The following TOM1L2 variants were observed in gnomAD, a reference collection of about 807,000 sequenced individuals.
TOM1L2 encodes TOM1-like protein 2.
In TOM1L2, 31 loss-of-function variants were observed where a neutral mutation model predicts 67.9. The ratio of observed to expected loss-of-function variants is 0.46; its 90% confidence interval spans 0.34 to 0.62. TOM1L2 has a LOEUF of 0.62. Among genes scored for constraint, TOM1L2 ranks in the 20% least tolerant of loss-of-function variants. The probability of loss-of-function intolerance (pLI) is 0.01; values close to 1 mark genes in which losing one functional copy is unlikely to be tolerated. For missense variants in TOM1L2, 606 were observed against 663.5 expected, an observed-to-expected ratio of 0.91 and a Z score of 0.95; for synonymous variants, 256 against 254.0, an observed-to-expected ratio of 1.01 and a Z score of -0.07.
intron 1 of TOM1L2, among the ~76,000 whole-genome samples, chr17:17,947,130 G>T (rs2040985474): frequency 1.3e-5 from 2 of 152,160 alleles, no homozygotes; most frequent in Admixed American, 6.5e-5. Flanking sequence ...TCTTCAGCAA[G>T]GAACAGGAAA....
chr17:17,961,616 G>A (rs548360700), intron 1 of TOM1L2, among the ~76,000 whole-genome samples: 17 of 151,884 alleles, frequency 1.1e-4, no homozygotes, highest in African/African-American at 4.1e-4. Context: ...GCTTACACCT[G>A]TAATCCCAGC....
rs116986961 is a variant in TOM1L2, at chr17:17,869,331, G to A, written c.911+9C>T. ...GGGAAAAAAAAAAAAAAAGAAATCC[G>A]GCTCCCACCTCTCGTATCGAAGGAA... is the stretch of plus-strand genomic sequence containing the variant. On this transcript the variant is annotated intron_variant, in intron 8 of 14. Transcript: ENST00000379504. 1.9e-3 allele frequency: 3,062 copies of A among 1,600,934 alleles called. 2 individuals carry two copies. Among genetic ancestry groups the A allele is most frequent in the Non-Finnish European group, 2.4e-3 (2,817 of 1,175,010 alleles).
rs546818930 is a variant in TOM1L2 at position 17,912,605 on chromosome 17, G to A, written c.53-5074C>T. On this transcript the variant is annotated intron_variant, in intron 1 of 14. Coordinates refer to ENST00000379504, the MANE Select transcript of TOM1L2 (RefSeq NM_001082968.2). ...AGACGATGGGCGGCCGGGCAGAGAC[G>A]CTCTTCACTTCCTAGATGGGATGGC... 2.6e-4 allele frequency among the ~76,000 whole-genome samples: 39 copies of A among 151,416 alleles called. No individual in the cohort carries two copies. The South Asian group carries it at 5.9e-3, about 23-fold the overall frequency.
intron 1 of TOM1L2, among the ~76,000 whole-genome samples, chr17:17,919,552 ATCCAAGCATTAAAAC>A (rs1430946364): frequency 6.6e-6 from 1 of 152,206 alleles, no homozygotes; most frequent in Admixed American, 6.5e-5. Flanking sequence ...TTCCTTAAGA[ATCCAAGCATTAAAAC>A]TCCAAGAGGT....
At chr17:17,931,779 A>G (rs1330795414) in intron 1 of TOM1L2, among the ~76,000 whole-genome samples, 1 of 152,182 alleles carries the variant, frequency 6.6e-6, no homozygotes, top group East Asian at 1.9e-4. Context: ...AACTTTACAC[A>G]CGTGACACTG....
At chr17:17,902,361 C>T (rs1598299841) in intron 2 of TOM1L2, among the ~76,000 whole-genome samples, 1 of 152,196 alleles carries the variant, frequency 6.6e-6, no homozygotes. Flanking sequence ...CAATCTGCAC[C>T]CACCAGGACC....
At chr17:17,919,560 A>T (rs1466267605) in intron 1 of TOM1L2, among the ~76,000 whole-genome samples, 1 of 152,238 alleles carries the variant, frequency 6.6e-6, no homozygotes, top group Non-Finnish European at 1.5e-5. Flanking sequence ...GAATCCAAGC[A>T]TTAAAACTCC....
At chr17:17,916,447 T>A (rs1047080299) in intron 1 of TOM1L2, among the ~76,000 whole-genome samples, 1 of 152,184 alleles carries the variant, frequency 6.6e-6, no homozygotes, top group Non-Finnish European at 1.5e-5. Flanking sequence ...CATTTTTGCA[T>A]ATGGTATAAG....
intron 2 of TOM1L2, among the ~76,000 whole-genome samples, chr17:17,903,010 T>TCCTCCCATTCATCCACCTG (rs1438950273): frequency 5.5e-4 from 84 of 152,160 alleles, no homozygotes; most frequent in African/African-American, 2.0e-3. Context: ...GTGTCCACCT[T>TCCTCCCATTCATCCACCTG]CCTCCCCTTC....
intron 12 of TOM1L2, among the ~76,000 whole-genome samples, chr17:17,854,044 C>A (rs944857417): frequency 5.3e-5 from 8 of 152,316 alleles, no homozygotes; most frequent in African/African-American, 1.9e-4. Context: ...AGGGCGTGAA[C>A]CATGGTGGAG....
At chr17:17,968,621 T>C (rs1256647267) in intron 1 of TOM1L2, among the ~76,000 whole-genome samples, 2 of 148,656 alleles carry the variant, frequency 1.3e-5, no homozygotes, top group African/African-American at 2.5e-5. Context: ...GCTTAGATCG[T>C]GCCACTGCAC....
At chr17:17,864,571 G>C (rs2036743497) in intron 10 of TOM1L2, among the ~76,000 whole-genome samples, 3 of 151,150 alleles carry the variant, frequency 2.0e-5, no homozygotes, top group Non-Finnish European at 4.4e-5. Context: ...CAGTGCAGTG[G>C]CACAATCTCG....
chr17:17,936,184 T>G (rs1319612871), intron 1 of TOM1L2, among the ~76,000 whole-genome samples: 2 of 152,230 alleles, frequency 1.3e-5, no homozygotes, highest in Non-Finnish European at 2.9e-5. Flanking sequence ...CGTGTGCCCT[T>G]CAGCAGCTCT....
chr17:17,891,052 T>C (rs2038246664), intron 4 of TOM1L2, among the ~76,000 whole-genome samples: 1 of 152,166 alleles, frequency 6.6e-6, no homozygotes, highest in African/African-American at 2.4e-5. Flanking sequence ...TCAACCCCCA[T>C]CTAGGAGTAG....
chr17:17,914,651 G>A (rs1163276609), intron 1 of TOM1L2, among the ~76,000 whole-genome samples: 1 of 152,156 alleles, frequency 6.6e-6, no homozygotes, highest in Non-Finnish European at 1.5e-5. Context: ...GGTGCCATCT[G>A]AGGACTGACT....
rs986279645 is a variant in TOM1L2, at chr17:17,869,696, C to T, written c.778-223G>A. ...CTTTTTCAGCAGACAAATGTCCAGA[C>T]ATACTGTTGTATGTATACAAGTACA... On this transcript the variant is annotated intron_variant, in intron 7 of 14. Transcript: ENST00000379504. The T allele has an allele frequency of 8.8e-6, 12 of 1,362,492 alleles. No individual in the cohort carries two copies. The Admixed American group carries it at 2.3e-4, about 26-fold the overall frequency. 84.4% of individuals were successfully genotyped at this position (1,362,492 alleles called of 1,614,324 possible).
At chr17:17,870,804 C>T (rs9907287) in intron 7 of TOM1L2, among the ~76,000 whole-genome samples, 86,283 of 152,024 alleles carry the variant, frequency 0.57, 25,404 homozygotes, top group Non-Finnish European at 0.63. Context: ...CCTCAAGCCC[C>T]GCACTGAGCC....
intron 1 of TOM1L2, among the ~76,000 whole-genome samples, chr17:17,923,136 G>A (rs374399761): frequency 1.1e-4 from 16 of 151,334 alleles, no homozygotes; most frequent in East Asian, 5.9e-4. Context: ...AGTGGCTCAC[G>A]CCTGTAATCC....
At chr17:17,970,401 C>A (rs2042023922) in intron 1 of TOM1L2, among the ~76,000 whole-genome samples, 1 of 152,178 alleles carries the variant, frequency 6.6e-6, no homozygotes, top group African/African-American at 2.4e-5. Context: ...TTCTACCCCT[C>A]ATTTACTACC....
Sources: gnomAD v4.1 joint callset for allele counts (sites outside exome capture counted in the v4.1 genomes callset) on GRCh38, gnomAD v4.1.1 for gene constraint, MANE v1.5 for transcripts, NCBI Gene and HGNC (gene_info 2026-07-23, HGNC 2026-07-21) for gene names.